Variants in CD4 observed in about 807,000 individuals in gnomAD.
CD4 encodes the protein CD4 molecule, also known as T-cell surface glycoprotein CD4.
CD4 carries 25 observed loss-of-function variants against 50.5 expected under a neutral mutation model. That is an observed-to-expected ratio of 0.49 (90% CI 0.36 to 0.69). The LOEUF (loss-of-function observed/expected upper bound fraction) is 0.69. Among genes scored for constraint, CD4 ranks in the 30% least tolerant of loss-of-function variants. CD4 has a pLI of 0.00. For synonymous variants in CD4, 207 were observed against 221.9 expected (o/e 0.93, Z 0.60); for missense variants, 456 against 548.5 (o/e 0.83, Z 1.68).
chr12:6,797,133 A>G (rs73256961), intron 1 of CD4, among the ~76,000 whole-genome samples: 4,879 of 152,224 alleles, frequency 0.032, 280 homozygotes, highest in African/African-American at 0.11. Context: ...ATTTCTAACA[A>G]GTTCCCAGGT....
rs1555117911 is a variant in CD4 at position 6,816,201 on chromosome 12, G to A, written c.753G>A (p.Trp251Ter). ...QAERASSSKS[W>*]ITFDLKNKEV... ...AGAGGGCTTCCTCCTCCAAGTCTTG[G>A]ATCACCTTTGACCTGAAGAACAAGG... is the stretch of plus-strand genomic sequence containing the variant. Residue 251 changes from tryptophan (W) to a stop codon, truncating the protein, a stop_gained, in exon 6 of 10, where the codon TGG becomes TGA. Transcript: ENST00000011653. LOFTEE classifies it high-confidence loss of function. The surrounding 1 kb of genome is among the most constrained non-coding windows in gnomAD (Gnocchi z 4.9). The A allele has an allele frequency of 1.9e-6, 3 of 1,614,150 alleles. No homozygotes were observed. The highest frequency in any genetic ancestry group is 2.5e-6 in the Non-Finnish European group (3 of 1,180,026).
chr12:6,816,799 T>G lies in CD4; in HGVS notation c.956-331T>G. 6.6e-6 allele frequency among the ~76,000 whole-genome samples: 1 copy of G among 152,212 alleles called. No homozygotes were observed. The highest frequency in any genetic ancestry group is 1.9e-4 in the East Asian group (1 of 5,202). On this transcript the variant is annotated intron_variant, in intron 6 of 9. Transcript: ENST00000011653. This position sits in a 1 kb window ranked among gnomAD's most constrained non-coding sequence, Gnocchi z 4.9. ...AAATTGAGTTTCTGGCTTCCTTATC[T>G]CCTTATCATCATAACGACTCTGCAA...
intron 3 of CD4, among the ~76,000 whole-genome samples, chr12:6,812,487 C>A (rs1942966228): frequency 6.6e-6 from 1 of 152,162 alleles, no homozygotes; most frequent in African/African-American, 2.4e-5. Context: ...CGAGACCAGC[C>A]TGACCAACAA....
At chr12:6,796,683 G>A (rs1942385040) in intron 1 of CD4, among the ~76,000 whole-genome samples, 1 of 152,136 alleles carries the variant, frequency 6.6e-6, no homozygotes, top group Non-Finnish European at 1.5e-5. Flanking sequence ...CCAGGACAAA[G>A]CTCCAGCTCT....
At chr12:6,797,783 G>A (rs1246072730) in intron 1 of CD4, among the ~76,000 whole-genome samples, 2 of 152,170 alleles carry the variant, frequency 1.3e-5, no homozygotes, top group Admixed American at 1.3e-4. Context: ...GAGCAGTATT[G>A]CCGCCATGAT....
At chr12:6,817,735 A>T (rs1434109134) in intron 7 of CD4, among the ~76,000 whole-genome samples, 4 of 138,084 alleles carry the variant, frequency 2.9e-5, no homozygotes, top group African/African-American at 1.2e-4. Context: ...CACATCACTC[A>T]CACACTCGCA....
intron 3 of CD4, among the ~76,000 whole-genome samples, chr12:6,804,187 C>G (rs1555115818): frequency 6.7e-6 from 1 of 149,644 alleles, no homozygotes; most frequent in African/African-American, 2.5e-5. Flanking sequence ...CACACACACA[C>G]ACACAATGCA....
At chr12:6,797,147 G>GT (rs1457806513) in intron 1 of CD4, among the ~76,000 whole-genome samples, 2 of 152,144 alleles carry the variant, frequency 1.3e-5, no homozygotes, top group African/African-American at 4.8e-5. Context: ...CCCAGGTCAT[G>GT]TTGCCGCTGC....
chr12:6,804,518 A>G (rs1020782181), intron 3 of CD4, among the ~76,000 whole-genome samples: 4 of 152,294 alleles, frequency 2.6e-5, no homozygotes, highest in Admixed American at 1.3e-4. Flanking sequence ...AATCTATTGT[A>G]TTTCTATATA....
chr12:6,812,450 C>T (rs782153429), intron 3 of CD4, among the ~76,000 whole-genome samples: 9 of 152,176 alleles, frequency 5.9e-5, no homozygotes, highest in East Asian at 1.9e-4. Context: ...GAGGCCAAGG[C>T]GAGCGGATCA....
In CD4 at chr12:6,814,828, G is replaced by C; in HGVS notation, c.443G>C (p.Gly148Ala). The stretch of plus-strand genomic sequence containing the variant: ...ACCCTGACCTTGGAGAGCCCCCCTG[G>C]TAGTAGCCCCTCAGTGCAATGTAGG... ...SLTLTLESPP[G>A]SSPSVQCRSP... Residue 148 changes from glycine to alanine, a missense_variant, in exon 5 of 10, where the codon GGT becomes GCT. Transcript: ENST00000011653. 1 of 1,613,576 alleles carries C rather than the reference G, an allele frequency of 6.2e-7. No homozygotes were observed.
chr12:6,818,674 C>A lies in CD4; in HGVS notation c.1278+132C>A. ...TCGTAAGTTCCCTTGCTGCCCTGTCCCAGATCCCACTCAAGGGAGAGACAG... is the reference window on the plus strand; with the variant it reads ...TCGTAAGTTCCCTTGCTGCCCTGTCACAGATCCCACTCAAGGGAGAGACAG... On this transcript the variant is annotated intron_variant, in intron 8 of 9. Transcript: ENST00000011653. This position sits in a 1 kb window ranked among gnomAD's most constrained non-coding sequence, Gnocchi z 5.0. 1 of 1,257,628 alleles carries A rather than the reference C, an allele frequency of 8.0e-7. No homozygotes were observed. The highest frequency in any genetic ancestry group is 2.4e-5 in the East Asian group (1 of 42,326). 77.9% of individuals were successfully genotyped at this position (1,257,628 alleles called of 1,614,324 possible).
rs189393108 is a variant in CD4 at position 6,814,115 on chromosome 12, C to G, written c.215-27C>G. ...TGCCCTGTCTCCAGGGCGCCTCAGT[C>G]CCCCCCCATATGTCTTCTGCTCCCA... On this transcript the variant is annotated intron_variant, in intron 3 of 9. Transcript: ENST00000011653. The G allele has an allele frequency of 7.0e-4, 1,123 of 1,598,340 alleles. 1 individual carries two copies. The highest frequency in any genetic ancestry group is 8.8e-4 in the Non-Finnish European group (1,035 of 1,170,054).
At chr12:6,789,713 C>T (rs1052666876) in intron 1 of CD4, 51 bp downstream of exon 1, 1 of 152,226 alleles carries the variant, frequency 6.6e-6, no homozygotes, top group African/African-American at 2.4e-5. Flanking sequence ...GGGAGGGGAA[C>T]GTGGGGCAGA....
In CD4 at chr12:6,814,749, C is replaced by T. The variant is rs782702450; in HGVS notation, c.374-10C>T. ...TATGTGTGTGACACAGCTGGCCTTT[C>T]CCTCCACAGTGACTGCCAACTCTGA... On this transcript the variant is annotated splice_polypyrimidine_tract_variant and intron_variant, in intron 4 of 9. Transcript: ENST00000011653. 8 of 1,606,362 alleles carry T rather than the reference C, an allele frequency of 5.0e-6. No homozygotes were observed. The highest frequency in any genetic ancestry group is 6.8e-6 in the Non-Finnish European group (8 of 1,173,276).
chr12:6,800,078 C>A lies in CD4; in HGVS notation c.-61C>A. The A allele has an allele frequency of 1.4e-6, 2 of 1,465,048 alleles. No individual in the cohort carries two copies. Among genetic ancestry groups the A allele is most frequent in the Non-Finnish European group, 1.9e-6 (2 of 1,044,976 alleles). The allele number at this position is 1,465,048 out of a possible 1,614,324, so 90.8% of individuals were successfully genotyped here. On this transcript the variant is annotated 5_prime_UTR_variant, in exon 2 of 10. Transcript: ENST00000011653. ...TGATTGGCATTTCCCTCAGGCCCTG[C>A]CATTTCTGTGGGCTCAGGTCCCTAC...
Position 6,818,761 on chromosome 12 carries a change from G to A in CD4, c.1279-86G>A, listed in dbSNP as rs1348282473. On this transcript the variant is annotated intron_variant, in intron 8 of 9. Transcript: ENST00000011653. This position sits in a 1 kb window ranked among gnomAD's most constrained non-coding sequence, Gnocchi z 5.0. ...GGGCCATGTAACTGCTTCTCCTGTC[G>A]CAGCTTCCCCCACTCCCCCCACCAA... is the stretch of plus-strand genomic sequence containing the variant. The A allele has an allele frequency of 1.7e-5, 22 of 1,312,568 alleles. No homozygotes were observed. The highest frequency in any genetic ancestry group is 4.6e-5 in the East Asian group (2 of 43,426). 81.3% of individuals were successfully genotyped at this position (1,312,568 alleles called of 1,614,324 possible). A position where few individuals can be genotyped will look rare whatever the true frequency, so the allele number is the denominator to read the frequency against.
At chr12:6,796,050 G>A (rs1942366687) in intron 1 of CD4, among the ~76,000 whole-genome samples, 1 of 152,184 alleles carries the variant, frequency 6.6e-6, no homozygotes, top group Admixed American at 6.5e-5. Context: ...AATTAATATG[G>A]TGAATAGAGA....
rs1555114997 is a variant in CD4, at chr12:6,800,220, T to G, written c.49+33T>G. ...CTCAGACCTGGGGTCTCAATGCAGA[T>G]GACGTGGGAGGAAAGGCAAAGGTGG... On this transcript the variant is annotated intron_variant, in intron 2 of 9. Transcript: ENST00000011653. 1.9e-6 allele frequency: 3 copies of G among 1,610,902 alleles called. No individual in the cohort carries two copies. The South Asian group carries it at 3.3e-5, about 18-fold the overall frequency.
Sources: gnomAD v4.1 joint callset for allele counts (sites outside exome capture counted in the v4.1 genomes callset) on GRCh38, gnomAD v4.1.1 for gene constraint, Gnocchi (gnomAD v3.1) non-coding constraint, MANE v1.5 for transcripts, NCBI Gene and HGNC (gene_info 2026-07-23, HGNC 2026-07-21) for gene names.